S100PBP: variants seen among roughly 807,000 people sequenced by gnomAD.
S100PBP encodes S100P binding protein.
S100PBP carries 15 observed loss-of-function variants against 39.9 expected under a neutral mutation model. The observed-to-expected ratio is 0.38, with a 90% CI of 0.25 to 0.58. The LOEUF (loss-of-function observed/expected upper bound fraction) is 0.58, where lower values mean the gene tolerates loss of function less well. Among genes scored for constraint, S100PBP ranks in the 20% least tolerant of loss-of-function variants. The pLI is 0.70. For missense variants in S100PBP, 504 were observed against 487.3 expected, an observed-to-expected ratio of 1.03 and a Z score of -0.32; for synonymous variants, 178 against 180.3, an observed-to-expected ratio of 0.99 and a Z score of 0.10.
intron 5 of S100PBP, among the ~76,000 whole-genome samples, chr1:32,841,409 A>G (rs1640090071): frequency 6.6e-6 from 1 of 151,970 alleles, no homozygotes; most frequent in Non-Finnish European, 1.5e-5. Context: ...TGGTTATAGT[A>G]GATGAAGTAA....
At chr1:32,829,874 C>A in intron 4 of S100PBP, 90 bp from the exon 5 acceptor site, 1 of 839,054 alleles carries the variant, frequency 1.2e-6, no homozygotes, top group South Asian at 1.5e-5. Context: ...TAGTTCTAAT[C>A]AATCAGCAGT....
At chr1:32,821,564 CCCT>C (rs1639064443) in intron 1 of S100PBP, among the ~76,000 whole-genome samples, 1 of 151,874 alleles carries the variant, frequency 6.6e-6, no homozygotes, top group Non-Finnish European at 1.5e-5. Flanking sequence ...TCGTGATCCG[CCCT>C]CCTCGGCCTC....
At chr1:32,839,760 C>G (rs1640004770) in intron 5 of S100PBP, among the ~76,000 whole-genome samples, 2 of 152,098 alleles carry the variant, frequency 1.3e-5, no homozygotes, top group South Asian at 2.1e-4. Flanking sequence ...TCCTCCCACC[C>G]CAGCCTCTTG....
intron 5 of S100PBP, among the ~76,000 whole-genome samples, chr1:32,831,167 T>C (rs1003228591): frequency 1.5e-4 from 23 of 152,232 alleles, no homozygotes; most frequent in African/African-American, 5.5e-4. Context: ...GTTTTGAAGA[T>C]AAGGAATTGG....
chr1:32,855,606 G>T (rs995017912), intron 6 of S100PBP, among the ~76,000 whole-genome samples: 4 of 149,136 alleles, frequency 2.7e-5, no homozygotes, highest in Non-Finnish European at 6.0e-5. Flanking sequence ...GAATAAAATG[G>T]TTTTTTTTTT....
chr1:32,842,202 A>T (rs71516335), intron 5 of S100PBP, among the ~76,000 whole-genome samples: 116 of 84,920 alleles, frequency 1.4e-3, no homozygotes, highest in African/African-American at 5.2e-3. Flanking sequence ...AAAAAAAAAA[A>T]ACATATATAT....
At position 32,826,206 on chromosome 1, in the gene S100PBP, A is replaced by T. The variant is rs1201297060; in HGVS notation, c.107A>T (p.Asp36Val). 1 of 1,613,984 alleles carries T rather than the reference A, an allele frequency of 6.2e-7. No individual in the cohort carries two copies. Among genetic ancestry groups the T allele is most frequent in the Non-Finnish European group, 8.5e-7 (1 of 1,179,978 alleles). Residue 36 changes from aspartate (D) to valine (V), a missense_variant, in exon 3 of 7, where the codon GAC becomes GTC. Coordinates refer to ENST00000373475, the MANE Select transcript of S100PBP (RefSeq NM_022753.4). The stretch of plus-strand genomic sequence containing the variant: ...TCCTTGGATGAGGATGGATTGGATG[A>T]CTCCTTGCTGGAGCTGTCAGAGGGA... ...WDSLDEDGLDDSLLELSEGEE... is the reference protein window; with the variant it reads ...WDSLDEDGLDVSLLELSEGEE...
rs184963700 is a variant in S100PBP, at chr1:32,820,783, G to A, written c.-120+3094G>A. On this transcript the variant is annotated intron_variant, in intron 1 of 6. Transcript: ENST00000373475. ...TTTGGAAAACCAATGCAGAAGGATCGCTTGACTCCAGGAGTTCAATACCAG... is the reference window on the plus strand; with the variant it reads ...TTTGGAAAACCAATGCAGAAGGATCACTTGACTCCAGGAGTTCAATACCAG... Among the ~76,000 whole-genome samples, 24 of 151,876 alleles carry A rather than the reference G, an allele frequency of 1.6e-4. 1 individual carries two copies. The East Asian group carries it at 3.3e-3, about 21-fold the overall frequency.
Position 32,826,907 on chromosome 1 carries a change from G to A in S100PBP, c.808G>A (p.Val270Ile), listed in dbSNP as rs767185210. 6.3e-7 allele frequency: 1 copy of A among 1,592,876 alleles called. No individual in the cohort carries two copies. Among genetic ancestry groups the A allele is most frequent in the South Asian group, 1.1e-5 (1 of 87,202 alleles). ...GTCAAGTTGTGAAATGAGATCTCTGGTTGTTTCCACCTCATCAAACAAAGT... is the reference window on the plus strand; with the variant it reads ...GTCAAGTTGTGAAATGAGATCTCTGATTGTTTCCACCTCATCAAACAAAGT... ...HKSSCEMRSL[V>I]VSTSSNKQDV... The change falls in exon 3 of 7, where the codon GTT becomes ATT. Residue 270 changes from valine to isoleucine, a missense_variant. Physicochemically the swap from Val to Ile is conservative, Grantham distance 29. Coordinates refer to ENST00000373475, the MANE Select transcript of S100PBP (RefSeq NM_022753.4).
At chr1:32,855,866 A>G in intron 6 of S100PBP, 58 bp from the exon 7 acceptor site, 1 of 1,111,198 alleles carries the variant, frequency 9.0e-7, no homozygotes, top group Non-Finnish European at 1.3e-6. Flanking sequence ...TTTTTTGTGT[A>G]CAAATAGCCA....
Position 32,858,331 on chromosome 1 carries a change from ATAAT to A in S100PBP, c.*2295_*2298del, listed in dbSNP as rs768305828. 6.5e-6 allele frequency: 1 copy of A among 152,680 alleles called. No homozygotes were observed. Among genetic ancestry groups the A allele is most frequent in the Non-Finnish European group, 1.5e-5 (1 of 68,050 alleles). The allele number at this position is 152,680 out of a possible 1,614,324, so 9.5% of individuals were successfully genotyped here. On this transcript the variant is annotated 3_prime_UTR_variant, in exon 7 of 7. Transcript: ENST00000373475. Reference sequence around the variant, plus strand: ...ACAATCACATTTCCTCTTAGCTCAAATAATTCTGTTTTTCCAAAGCTTTAGCAGC... The same window carrying A: ...ACAATCACATTTCCTCTTAGCTCAAATCTGTTTTTCCAAAGCTTTAGCAGC...
In S100PBP at chr1:32,853,127, A is replaced by G. The variant is rs990377749; in HGVS notation, c.1073A>G (p.Gln358Arg). The stretch of plus-strand genomic sequence containing the variant: ...TTGATGGATCAAGTTCATCATATGC[A>G]GCACTCAAAATGGCAGCATCCTTCG... ...CALMDQVHHM[Q>R]HSKWQHPSDL... The change falls in exon 6 of 7, where the codon CAG becomes CGG. Residue 358 changes from glutamine (Q) to arginine (R), a missense_variant. Gln to Arg is a conservative substitution (Grantham distance 43). Transcript: ENST00000373475. The G allele has an allele frequency of 1.2e-5, 19 of 1,613,156 alleles. No homozygotes were observed. The highest frequency in any genetic ancestry group is 1.6e-5 in the Non-Finnish European group (19 of 1,179,770).
At position 32,824,927 on chromosome 1, in the gene S100PBP, C is replaced by T. The variant is rs377638081; in HGVS notation, c.-119-386C>T. 2.6e-5 allele frequency: 4 copies of T among 150,980 alleles called. No homozygotes were observed. The East Asian group carries it at 7.7e-4, about 29-fold the overall frequency. 9.4% of individuals were successfully genotyped at this position (150,980 alleles called of 1,614,324 possible). ...ACATTGCCTAGCACCCCTTTTCCATCCCTTTCCCATTTTGTAAATGAGGAA... is the reference window on the plus strand; with the variant it reads ...ACATTGCCTAGCACCCCTTTTCCATTCCTTTCCCATTTTGTAAATGAGGAA... On this transcript the variant is annotated intron_variant, in intron 1 of 6. Transcript: ENST00000373475.
intron 1 of S100PBP, among the ~76,000 whole-genome samples, chr1:32,822,541 C>T (rs779225959): frequency 9.5e-5 from 14 of 146,962 alleles, no homozygotes; most frequent in Admixed American, 1.4e-4. Flanking sequence ...GGTGTGAACC[C>T]GGGAGGCAGA....
chr1:32,844,555 C>T (rs1640270006), intron 5 of S100PBP, among the ~76,000 whole-genome samples: 1 of 152,076 alleles, frequency 6.6e-6, no homozygotes, highest in Non-Finnish European at 1.5e-5. Flanking sequence ...CAGCTTACTG[C>T]AGCCTCTACC....
intron 4 of S100PBP, among the ~76,000 whole-genome samples, chr1:32,829,110 T>G (rs1333755360): frequency 6.6e-6 from 1 of 152,256 alleles, no homozygotes; most frequent in Non-Finnish European, 1.5e-5. Context: ...AGAGAAACCT[T>G]GTGAATTGCT....
chr1:32,822,923 T>C (rs990521819), intron 1 of S100PBP, among the ~76,000 whole-genome samples: 22 of 152,200 alleles, frequency 1.4e-4, no homozygotes, highest in African/African-American at 5.1e-4. Context: ...TCTTGCACAG[T>C]TTGTTATAGA....
intron 4 of S100PBP, among the ~76,000 whole-genome samples, 162 bp from the exon 5 acceptor site, chr1:32,829,802 T>C (rs1639511379): frequency 6.6e-6 from 1 of 152,190 alleles, no homozygotes; most frequent in African/African-American, 2.4e-5. Flanking sequence ...TTAGTTTTTT[T>C]TGTGTATGAC....
At chr1:32,843,187 T>C (rs1341049227) in intron 5 of S100PBP, 6 of 152,246 alleles carry the variant, frequency 3.9e-5, no homozygotes, top group Non-Finnish European at 5.9e-5. Context: ...AGGTTTTCCC[T>C]GTAGGTTATC....
Sources: allele counts gnomAD v4.1 joint callset (sites outside exome capture counted in the v4.1 genomes callset), GRCh38; gene constraint gnomAD v4.1.1; transcripts MANE v1.5; gene names NCBI Gene and HGNC (gene_info 2026-07-23, HGNC 2026-07-21).